Variants in PCCA observed in about 807,000 individuals in gnomAD.
The protein encoded by PCCA is propionyl-CoA carboxylase alpha chain, mitochondrial.
In PCCA, 74 loss-of-function variants were observed where a neutral mutation model predicts 101.3. That is an observed-to-expected ratio of 0.73 (90% confidence interval 0.61 to 0.89). The LOEUF is 0.89. PCCA is among the 40% of genes least tolerant of loss of function. The probability of loss-of-function intolerance (pLI) is 0.00; values close to 1 mark genes in which losing one functional copy is unlikely to be tolerated. For missense variants in PCCA, 891 were observed against 907.0 expected (o/e 0.98, Z 0.23); for synonymous variants, 294 against 313.6 (o/e 0.94, Z 0.66).
intron 16 of PCCA, among the ~76,000 whole-genome samples, chr13:100,324,884 TA>T (rs2068478889): frequency 6.6e-6 from 1 of 152,240 alleles, no homozygotes; most frequent in African/African-American, 2.4e-5. Flanking sequence ...GGTTCTGGAA[TA>T]TTTTTCATCA....
At chr13:100,493,454 C>T (rs1035854407) in intron 21 of PCCA, among the ~76,000 whole-genome samples, 14 of 135,992 alleles carry the variant, frequency 1.0e-4, no homozygotes, top group Admixed American at 8.7e-4. Flanking sequence ...TCTCCTGGGG[C>T]TTTCAGAGTA....
chr13:100,328,117 C>T (rs4772283), intron 16 of PCCA, among the ~76,000 whole-genome samples: 71,470 of 151,840 alleles, frequency 0.47, 16,900 homozygotes, highest in Middle Eastern at 0.54. Flanking sequence ...GTAATCCTAG[C>T]ACTTCGGGAG....
intron 18 of PCCA, among the ~76,000 whole-genome samples, chr13:100,348,920 T>TTTCTTTCTTTCCTTCCTTCCTTCCTTCC (rs1555429132): frequency 0.31 from 26,564 of 84,656 alleles, 5,415 homozygotes; most frequent in Middle Eastern, 0.38. Flanking sequence ...CTTTCTTTTC[T>TTTCTTTCTTTCCTTCCTTCCTTCCTTCC]TTTCTTTTCT....
intron 19 of PCCA, among the ~76,000 whole-genome samples, chr13:100,372,445 A>G (rs1294206886): frequency 6.6e-6 from 1 of 152,206 alleles, no homozygotes; most frequent in Non-Finnish European, 1.5e-5. Flanking sequence ...TTTCTTAGAC[A>G]TGACACCAAA....
At chr13:100,479,943 C>T (rs1229347530) in intron 21 of PCCA, among the ~76,000 whole-genome samples, 2 of 152,166 alleles carry the variant, frequency 1.3e-5, no homozygotes, top group African/African-American at 4.8e-5. Context: ...CCCTTGCCTA[C>T]CTGTTCTTTT....
chr13:100,342,972 C>T (rs532431375), intron 18 of PCCA, among the ~76,000 whole-genome samples: 4 of 152,094 alleles, frequency 2.6e-5, no homozygotes, highest in Non-Finnish European at 4.4e-5. Flanking sequence ...TCCAGTCCAC[C>T]AGCCTTGGCC....
chr13:100,154,891 A>C (rs754320180), intron 4 of PCCA, 88 bp from the exon 5 acceptor site: 1 of 870,562 alleles, frequency 1.1e-6, no homozygotes. Flanking sequence ...AGGCAGAACA[A>C]TCAGATTTGC....
chr13:100,348,943 CTTTCT>C (rs2072909248), intron 18 of PCCA, among the ~76,000 whole-genome samples: 1 of 46,290 alleles, frequency 2.2e-5, no homozygotes, highest in Non-Finnish European at 4.7e-5. Flanking sequence ...TCTTTCTTTT[CTTTCT>C]TTTCTTTCTT....
At chr13:100,392,333 C>T (rs965678659) in intron 19 of PCCA, among the ~76,000 whole-genome samples, 1 of 152,064 alleles carries the variant, frequency 6.6e-6, no homozygotes, top group Admixed American at 6.5e-5. Flanking sequence ...GGCAGATATG[C>T]GTTGACAATT....
intron 18 of PCCA, among the ~76,000 whole-genome samples, chr13:100,350,327 T>C (rs2073111531): frequency 8.7e-6 from 1 of 115,278 alleles, no homozygotes; most frequent in East Asian, 2.1e-4. Flanking sequence ...GGTGACGTGA[T>C]ACCTAACTAT....
chr13:100,256,174 G>A (rs1274475235), intron 8 of PCCA, among the ~76,000 whole-genome samples: 1 of 151,812 alleles, frequency 6.6e-6, no homozygotes, highest in Non-Finnish European at 1.5e-5. Flanking sequence ...ACCCAGCTAA[G>A]TTTTGTATTT....
intron 16 of PCCA, among the ~76,000 whole-genome samples, chr13:100,319,190 T>G (rs1379742628): frequency 6.6e-6 from 1 of 152,238 alleles, no homozygotes; most frequent in African/African-American, 2.4e-5. Flanking sequence ...TTGTTTGTTT[T>G]TTTCTTGTAA....
At chr13:100,366,304 G>A (rs986450380) in intron 18 of PCCA, among the ~76,000 whole-genome samples, 6 of 151,384 alleles carry the variant, frequency 4.0e-5, no homozygotes, top group Admixed American at 2.0e-4. Flanking sequence ...GGAGCTTGGG[G>A]CACACAGTCC....
intron 8 of PCCA, among the ~76,000 whole-genome samples, chr13:100,248,139 C>T (rs2061553107): frequency 6.6e-6 from 1 of 151,972 alleles, no homozygotes; most frequent in Non-Finnish European, 1.5e-5. Flanking sequence ...TTTTTCTATT[C>T]AGCCTGCTGG....
In PCCA at chr13:100,296,075, A is replaced by G. The variant is rs536828687; in HGVS notation, c.1066-5385A>G. The stretch of plus-strand genomic sequence containing the variant: ...TATTTAAAAGTTTAGGTCAGAGGAA[A>G]CATATCGCACAAACTATCTGCTATT... On this transcript the variant is annotated intron_variant, in intron 12 of 23. Transcript: ENST00000376285. 2.0e-5 allele frequency among the ~76,000 whole-genome samples: 3 copies of G among 152,310 alleles called. No homozygotes were observed. The East Asian group carries it at 5.8e-4, about 29-fold the overall frequency.
At position 100,461,630 on chromosome 13, in the gene PCCA, T is replaced by A. The variant is rs75566701; in HGVS notation, c.1899+12325T>A. Among the ~76,000 whole-genome samples, 984 of 152,264 alleles carry A rather than the reference T, an allele frequency of 6.5e-3. 31 individuals carry two copies. Among genetic ancestry groups the A allele is most frequent in the East Asian group, 0.06 (312 of 5,158 alleles). On this transcript the variant is annotated intron_variant, in intron 21 of 23. Transcript: ENST00000376285. ...GATCTCTCCTCTCTGTCCCATCCCT[T>A]TCTCTGTGTCAGTGTGATTTCAGGA...
chr13:100,340,112 AAAAT>A (rs781425421), intron 17 of PCCA, 41 bp from the exon 18 acceptor site: 10 of 1,037,494 alleles, frequency 9.6e-6, no homozygotes, highest in Non-Finnish European at 1.5e-5. Context: ...CACAGATGTT[AAAAT>A]AAATGATTGA....
chr13:100,139,671 A>G (rs1228649514), intron 4 of PCCA, among the ~76,000 whole-genome samples: 1 of 152,088 alleles, frequency 6.6e-6, no homozygotes, highest in South Asian at 2.1e-4. Flanking sequence ...AACTTTAATA[A>G]TAACTTCCTT....
chr13:100,481,388 C>A (rs2083913509), intron 21 of PCCA, among the ~76,000 whole-genome samples: 1 of 151,986 alleles, frequency 6.6e-6, no homozygotes, highest in African/African-American at 2.4e-5. Flanking sequence ...CAAAACTCTG[C>A]CTCTACAAAA....
Sources: allele counts gnomAD v4.1 joint callset (sites outside exome capture counted in the v4.1 genomes callset), GRCh38; gene constraint gnomAD v4.1.1; transcripts MANE v1.5; gene names NCBI Gene and HGNC (gene_info 2026-07-23, HGNC 2026-07-21).